Variants in CNTNAP2 observed in about 807,000 individuals in gnomAD.
CNTNAP2 encodes the protein contactin-associated protein-like 2.
A neutral mutation model predicts 155.2 loss-of-function variants in CNTNAP2; 98 were observed. That is an observed-to-expected ratio of 0.63 (90% confidence interval 0.54 to 0.75). CNTNAP2 has a LOEUF of 0.75. CNTNAP2 is among the 30% of genes least tolerant of loss of function. The pLI, the probability that CNTNAP2 is intolerant of heterozygous loss-of-function variation, is 0.00. For synonymous variants in CNTNAP2, 651 were observed against 631.2 expected (o/e 1.03, Z -0.47); for missense variants, 1,727 against 1,688.1 (o/e 1.02, Z -0.40).
intron 15 of CNTNAP2, among the ~76,000 whole-genome samples, chr7:148,072,412 T>C (rs375568243): frequency 7.5e-5 from 11 of 147,382 alleles, no homozygotes; most frequent in African/African-American, 2.7e-4. Flanking sequence ...AGACAAGGTA[T>C]GTTTAAAAAA....
chr7:146,332,941 ATTT>A (rs4016094), intron 1 of CNTNAP2, among the ~76,000 whole-genome samples: 107 of 102,452 alleles, frequency 1.0e-3, no homozygotes, highest in African/African-American at 3.5e-3. Context: ...TTCTTCTTCT[ATTT>A]TTTTTTTTTT....
At chr7:147,376,271 G>A (rs10250570) in intron 9 of CNTNAP2, among the ~76,000 whole-genome samples, 66,524 of 151,562 alleles carry the variant, frequency 0.44, 15,205 homozygotes, top group African/African-American at 0.51. Context: ...GCAGATAGTC[G>A]AAGGAGAGAA....
chr7:148,269,320 GCA>G (rs1796731950), intron 21 of CNTNAP2, among the ~76,000 whole-genome samples: 1 of 152,120 alleles, frequency 6.6e-6, no homozygotes, highest in South Asian at 2.1e-4. Context: ...CAGCACTCAG[GCA>G]CAGTCTCAAA....
chr7:146,920,406 A>C (rs1796477501), intron 3 of CNTNAP2, among the ~76,000 whole-genome samples: 1 of 152,082 alleles, frequency 6.6e-6, no homozygotes, highest in Non-Finnish European at 1.5e-5. Context: ...CCAAAAATGA[A>C]ACTCCATTAA....
chr7:146,911,605 A>G (rs1375163675), intron 3 of CNTNAP2, among the ~76,000 whole-genome samples: 1 of 139,218 alleles, frequency 7.2e-6, no homozygotes, highest in Non-Finnish European at 1.5e-5. Flanking sequence ...GAATTGAACA[A>G]TGAGATCACA....
At position 146,260,551 on chromosome 7, in the gene CNTNAP2, C is replaced by T. The variant is rs78557527; in HGVS notation, c.97+143578C>T. On this transcript the variant is annotated intron_variant, in intron 1 of 23. Coordinates refer to ENST00000361727, the MANE Select transcript of CNTNAP2 (RefSeq NM_014141.6). Reference sequence around the variant, plus strand: ...GCATCAGCATGCTCTGGATGTGAGACATGGAGTCAAAAGAGATTATTTTGA... The same window carrying T: ...GCATCAGCATGCTCTGGATGTGAGATATGGAGTCAAAAGAGATTATTTTGA... Among the ~76,000 whole-genome samples the T allele has an allele frequency of 7.9e-5, 12 of 152,312 alleles. No individual in the cohort carries two copies. The East Asian group carries it at 2.3e-3, about 29-fold the overall frequency.
At chr7:147,173,687 C>A (rs1802278138) in intron 8 of CNTNAP2, among the ~76,000 whole-genome samples, 1 of 152,110 alleles carries the variant, frequency 6.6e-6, no homozygotes, top group African/African-American at 2.4e-5. Context: ...TCTGAAGTAG[C>A]CAGAGTGATT....
At chr7:147,809,128 G>T (rs1221485597) in intron 13 of CNTNAP2, among the ~76,000 whole-genome samples, 2 of 152,202 alleles carry the variant, frequency 1.3e-5, no homozygotes, top group Admixed American at 6.5e-5. Context: ...CGAGCAGGCA[G>T]CTTGCCTTCC....
intron 15 of CNTNAP2, among the ~76,000 whole-genome samples, chr7:148,037,676 A>C (rs1447185867): frequency 6.6e-6 from 1 of 152,258 alleles, no homozygotes; most frequent in African/African-American, 2.4e-5. Flanking sequence ...GAAGAACCAC[A>C]TAACATAACT....
At chr7:147,161,613 CA>C (rs1382454208) in intron 8 of CNTNAP2, 2 of 120,440 alleles carry the variant, frequency 1.7e-5, no homozygotes, top group African/African-American at 3.0e-5. Context: ...GCTGACTCAT[CA>C]TTCAGTATTC....
chr7:148,179,725 AAGG>A (rs760975255), intron 18 of CNTNAP2, among the ~76,000 whole-genome samples: 1 of 150,418 alleles, frequency 6.6e-6, no homozygotes, highest in Non-Finnish European at 1.5e-5. Flanking sequence ...GGAGAGAAAG[AAGG>A]AGGAGGAGAG....
At chr7:146,720,978 C>CTCTATATATTA (rs1801282366) in intron 1 of CNTNAP2, among the ~76,000 whole-genome samples, 2 of 121,944 alleles carry the variant, frequency 1.6e-5, no homozygotes, top group African/African-American at 7.4e-5. Flanking sequence ...TATATATAGA[C>CTCTATATATTA]TATATATACT....
intron 8 of CNTNAP2, among the ~76,000 whole-genome samples, chr7:147,144,586 A>G (rs1244639412): frequency 1.3e-5 from 2 of 152,216 alleles, no homozygotes; most frequent in Admixed American, 6.5e-5. Context: ...ATGCAGGATA[A>G]TCAGTGTCAT....
chr7:146,870,795 A>G (rs1321148169), intron 3 of CNTNAP2, among the ~76,000 whole-genome samples: 1 of 152,136 alleles, frequency 6.6e-6, no homozygotes, highest in African/African-American at 2.4e-5. Context: ...TTTATTAAAA[A>G]TAAGCAATTA....
chr7:147,990,699 T>C (rs1334481703), intron 15 of CNTNAP2, among the ~76,000 whole-genome samples: 1 of 152,118 alleles, frequency 6.6e-6, no homozygotes, highest in Non-Finnish European at 1.5e-5. Flanking sequence ...AACTTTAAAA[T>C]GGCGGTGCTT....
chr7:147,183,695 G>A (rs2116505664), intron 8 of CNTNAP2, among the ~76,000 whole-genome samples: 1 of 152,202 alleles, frequency 6.6e-6, no homozygotes, highest in Non-Finnish European at 1.5e-5. Flanking sequence ...CAATATCACG[G>A]GCTTGGGATT....
intron 14 of CNTNAP2, among the ~76,000 whole-genome samples, chr7:147,973,160 T>TAAA (rs35756000): frequency 0.014 from 1,745 of 120,742 alleles, 41 homozygotes; most frequent in Non-Finnish European, 0.018. Context: ...TCTCTAAAAT[T>TAAA]AAAAAAAAAA....
intron 13 of CNTNAP2, among the ~76,000 whole-genome samples, chr7:147,685,540 G>A (rs566522853): frequency 1.1e-3 from 161 of 151,918 alleles, no homozygotes; most frequent in Non-Finnish European, 1.6e-3. Flanking sequence ...AAAAATGAGT[G>A]TATTATGTTT....
intron 17 of CNTNAP2, 151 bp downstream of exon 17, chr7:148,147,860 C>T (rs1047540649): frequency 7.8e-6 from 6 of 773,818 alleles, no homozygotes; most frequent in East Asian, 2.7e-5. Flanking sequence ...TCCTTCAAGA[C>T]AGAATGGAAT....
Sources: gnomAD v4.1 joint callset for allele counts (sites outside exome capture counted in the v4.1 genomes callset) on GRCh38, gnomAD v4.1.1 for gene constraint, MANE v1.5 for transcripts, NCBI Gene and HGNC (gene_info 2026-07-23, HGNC 2026-07-21) for gene names.